Variants in XRN1 observed in about 807,000 individuals in gnomAD.
XRN1 encodes strand-exchange protein 1 homolog.
A neutral mutation model predicts 222.3 loss-of-function variants in XRN1; 67 were observed. The observed-to-expected ratio is 0.30, with a 90% CI of 0.25 to 0.37. XRN1 has a LOEUF of 0.37. Ranked by LOEUF, XRN1 falls within the 10% of genes least tolerant of loss-of-function variation. The probability of loss-of-function intolerance (pLI) is 1.00; values close to 1 mark genes in which losing one functional copy is unlikely to be tolerated. For synonymous variants in XRN1, 643 were observed against 652.4 expected (o/e 0.99, Z 0.22); for missense variants, 1,707 against 2,000.2 (o/e 0.85, Z 2.80).
rs1384818911 is a variant in XRN1, at chr3:142,359,961, C to A, written c.3395-30G>T. ...TACAATAGGGAGAGAAAAAGAGACACTAAAAAATCATATGATGAAAAATCA... is the reference window on the plus strand; with the variant it reads ...TACAATAGGGAGAGAAAAAGAGACAATAAAAAATCATATGATGAAAAATCA... On this transcript the variant is annotated intron_variant, in intron 29 of 40. Transcript: ENST00000392981. 4 of 1,482,814 alleles carry A rather than the reference C, an allele frequency of 2.7e-6. No homozygotes were observed. In the African/African-American group the frequency reaches 5.7e-5, roughly 21 times the overall value. 91.9% of individuals were successfully genotyped at this position (1,482,814 alleles called of 1,614,324 possible). A position where few individuals can be genotyped will look rare whatever the true frequency, so the allele number is the denominator to read the frequency against.
Position 142,365,044 on chromosome 3 carries a change from T to G in XRN1, c.3394+3A>C. 6.2e-7 allele frequency: 1 copy of G among 1,612,114 alleles called. No individual in the cohort carries two copies. The highest frequency in any genetic ancestry group is 8.5e-7 in the Non-Finnish European group (1 of 1,179,240). On this transcript the variant is annotated splice_donor_region_variant and intron_variant, in intron 29 of 40. Coordinates refer to ENST00000392981, the MANE Select transcript of XRN1 (RefSeq NM_001282857.2). ...GAAGACATTTCAAGTATTAGGATAT[T>G]ACCTCCTTTTATTCCTATGATGGTG...
At chr3:142,323,991 T>A (rs938182904) in intron 37 of XRN1, among the ~76,000 whole-genome samples, 1 of 152,030 alleles carries the variant, frequency 6.6e-6, no homozygotes, top group African/African-American at 2.4e-5. Context: ...GAGATATCCA[T>A]CACCTCAAGT....
At chr3:142,357,569 G>A (rs1477637607) in intron 30 of XRN1, among the ~76,000 whole-genome samples, 1 of 152,082 alleles carries the variant, frequency 6.6e-6, no homozygotes, top group African/African-American at 2.4e-5. Flanking sequence ...TAAGACCACA[G>A]GTGCAAGGCA....
intron 29 of XRN1, among the ~76,000 whole-genome samples, chr3:142,363,505 T>C (rs1306105966): frequency 6.6e-6 from 1 of 152,198 alleles, no homozygotes; most frequent in African/African-American, 2.4e-5. Context: ...CATTGATCTA[T>C]ATGTCATCTT....
At chr3:142,365,743 C>A (rs1263415726) in intron 27 of XRN1, among the ~76,000 whole-genome samples, 2 of 152,080 alleles carry the variant, frequency 1.3e-5, no homozygotes, top group Non-Finnish European at 2.9e-5. Context: ...CAGTTACTAC[C>A]CTTTCCAGAA....
chr3:142,377,604 T>G (rs896003542), intron 23 of XRN1, among the ~76,000 whole-genome samples: 1 of 152,150 alleles, frequency 6.6e-6, no homozygotes, highest in Admixed American at 6.5e-5. Flanking sequence ...CCTGCCCAAA[T>G]TGCCAACAGT....
Position 142,332,982 on chromosome 3 carries a change from T to C in XRN1, c.4047A>G (p.Pro1349=), listed in dbSNP as rs1320867713. 1.9e-6 allele frequency: 3 copies of C among 1,613,370 alleles called. No homozygotes were observed. The African/African-American group carries it at 4.0e-5, about 22-fold the overall frequency. ...GEPPSEEHLS[P]QSFAMKGTRM... ...AAATACGAACCATGGCAAATGACTGTGGTGACAAATGCTCTTCACTTGGAG... is the reference window on the plus strand; with the variant it reads ...AAATACGAACCATGGCAAATGACTGCGGTGACAAATGCTCTTCACTTGGAG... Residue 1349 remains proline (P), a synonymous_variant, in exon 35 of 41, where the codon CCA becomes CCG. Transcript: ENST00000392981.
intron 27 of XRN1, among the ~76,000 whole-genome samples, chr3:142,366,515 G>C (rs2066817032): frequency 1.3e-5 from 2 of 152,152 alleles, no homozygotes; most frequent in Non-Finnish European, 2.9e-5. Context: ...GCAGTGAACT[G>C]TTCTCTTACT....
At chr3:142,371,767 A>C (rs1242641364) in intron 25 of XRN1, among the ~76,000 whole-genome samples, 2 of 152,204 alleles carry the variant, frequency 1.3e-5, no homozygotes, top group Admixed American at 1.3e-4. Flanking sequence ...ACATATAGCA[A>C]ACTGAACGTA....
intron 26 of XRN1, among the ~76,000 whole-genome samples, 171 bp downstream of exon 26, chr3:142,371,068 C>T (rs140021350): frequency 5.5e-5 from 8 of 145,536 alleles, no homozygotes; most frequent in Non-Finnish European, 9.0e-5. Flanking sequence ...TCCAGGGAAC[C>T]AAGGCTAAAG....
chr3:142,357,183 T>C lies in XRN1; in HGVS notation c.3465-64A>G, dbSNP rs1309481546. The C allele has an allele frequency of 1.2e-5, 18 of 1,482,984 alleles. No homozygotes were observed. In the East Asian group the frequency reaches 3.9e-4, roughly 32 times the overall value. 91.9% of individuals were successfully genotyped at this position (1,482,984 alleles called of 1,614,324 possible). On this transcript the variant is annotated intron_variant, in intron 30 of 40. Coordinates refer to ENST00000392981, the MANE Select transcript of XRN1 (RefSeq NM_001282857.2). ...ATACTAAATGTGTTAGGGAGAAAAG[T>C]CAAATAATTTTTGGTGGACAATCCA...
At chr3:142,439,655 G>A (rs2070103765) in intron 1 of XRN1, among the ~76,000 whole-genome samples, 1 of 152,014 alleles carries the variant, frequency 6.6e-6, no homozygotes, top group African/African-American at 2.4e-5. Flanking sequence ...TCCGCCTTAG[G>A]CCCAGAGCAA....
chr3:142,365,784 T>C (rs925561558), intron 27 of XRN1, among the ~76,000 whole-genome samples: 2 of 152,180 alleles, frequency 1.3e-5, no homozygotes, highest in African/African-American at 2.4e-5. Flanking sequence ...AAAGATTACA[T>C]TTGTCTGTTT....
Position 142,347,276 on chromosome 3 carries a change from T to C in XRN1, c.3835A>G (p.Ser1279Gly), listed in dbSNP as rs1452369838. The C allele has an allele frequency of 3.1e-6, 5 of 1,608,946 alleles. No homozygotes were observed. The East Asian group carries it at 1.1e-4, about 36-fold the overall frequency. ...QHHKSGFNDN[S>G]VKYQQRKHDP... ...TGTTTTCTTTGCTGATATTTAACAC[T>C]GTTGTCATTAAAGCCAGATTTATGA... Residue 1279 changes from serine to glycine, a missense_variant, in exon 33 of 41, where the codon AGT becomes GGT. Around this residue, in one of 2 missense-constraint regions of XRN1, gnomAD observed 1,234 missense variants for 1,518.2 expected, o/e 0.81. Coordinates refer to ENST00000392981, the MANE Select transcript of XRN1 (RefSeq NM_001282857.2).
chr3:142,360,537 A>G (rs10935461), intron 29 of XRN1, among the ~76,000 whole-genome samples: 96,232 of 151,402 alleles, frequency 0.64, 32,535 homozygotes, highest in African/African-American at 0.89. Flanking sequence ...AAAACTGCTG[A>G]GTCTTAGGGC....
intron 2 of XRN1, among the ~76,000 whole-genome samples, chr3:142,430,916 A>C (rs1460088953): frequency 6.6e-6 from 1 of 152,180 alleles, no homozygotes; most frequent in Non-Finnish European, 1.5e-5. Flanking sequence ...CTACCGCCTA[A>C]GTCACACAGT....
At chr3:142,403,609 T>G (rs2306699) in intron 18 of XRN1, 65 bp downstream of exon 18, 2 of 1,458,734 alleles carry the variant, frequency 1.4e-6, no homozygotes, top group Middle Eastern at 1.8e-4. Flanking sequence ...CTGGTAAACA[T>G]CCCAGCAGCT....
At chr3:142,425,666 T>C (rs2069218709) in intron 3 of XRN1, 128 bp from the exon 4 acceptor site, 3 of 688,790 alleles carry the variant, frequency 4.4e-6, no homozygotes, top group Non-Finnish European at 4.9e-6. Flanking sequence ...CCAAAGAAGG[T>C]CAAAAGCTCT....
At chr3:142,439,961 T>C (rs148609539) in intron 1 of XRN1, among the ~76,000 whole-genome samples, 3 of 152,280 alleles carry the variant, frequency 2.0e-5, no homozygotes, top group Non-Finnish European at 4.4e-5. Flanking sequence ...GAAGGCCCAC[T>C]ACCTCAGGAG....
Sources: allele counts gnomAD v4.1 joint callset (sites outside exome capture counted in the v4.1 genomes callset), GRCh38; gene constraint gnomAD v4.1.1; regional missense constraint gnomAD v4.1.1; transcripts MANE v1.5; gene names NCBI Gene and HGNC (gene_info 2026-07-23, HGNC 2026-07-21).